The following PXDNL variants were observed in gnomAD, a reference collection of about 807,000 sequenced individuals.
The protein encoded by PXDNL is peroxidasin like, also known as probable oxidoreductase PXDNL.
In PXDNL, 145 loss-of-function variants were observed where a neutral mutation model predicts 150.8. The observed-to-expected ratio is 0.96, with a 90% confidence interval of 0.84 to 1.10. The LOEUF (loss-of-function observed/expected upper bound fraction) is 1.10. Ranked by LOEUF, PXDNL falls within the 50% of genes least tolerant of loss-of-function variation. The pLI, the probability that PXDNL is intolerant of heterozygous loss-of-function variation, is 0.00. For missense variants in PXDNL, 2,087 were observed against 1,873.9 expected, an observed-to-expected ratio of 1.11 and a Z score of -2.10; for synonymous variants, 757 against 725.7, an observed-to-expected ratio of 1.04 and a Z score of -0.69.
intron 12 of PXDNL, among the ~76,000 whole-genome samples, chr8:51,444,518 T>TA (rs1263014507): frequency 2.0e-5 from 3 of 152,050 alleles, no homozygotes; most frequent in African/African-American, 4.8e-5. Flanking sequence ...TTCTTCATAG[T>TA]AAAAAAATCA....
intron 1 of PXDNL, among the ~76,000 whole-genome samples, chr8:51,722,981 T>G (rs1192227140): frequency 6.6e-6 from 1 of 152,046 alleles, no homozygotes; most frequent in African/African-American, 2.4e-5. Context: ...GGGTTGGCAC[T>G]CAAGGGGTCT....
At chr8:51,465,363 A>C (rs1810181968) in intron 8 of PXDNL, among the ~76,000 whole-genome samples, 1 of 150,054 alleles carries the variant, frequency 6.7e-6, no homozygotes, top group Non-Finnish European at 1.5e-5. Context: ...CTTCATGATA[A>C]AAAAAAAACC....
rs5891431 is a variant in PXDNL, at chr8:51,765,849, CTT to C, written c.164+43330_164+43331del. Among the ~76,000 whole-genome samples the C allele has an allele frequency of 7.5e-4, 107 of 142,148 alleles. 1 individual carries two copies. In the East Asian group the frequency reaches 0.012, roughly 16 times the overall value. The allele number at this position is 142,148 out of a possible 152,430, so 93.3% of individuals were successfully genotyped here. A position where few individuals can be genotyped will look rare whatever the true frequency, so the allele number is the denominator to read the frequency against. On this transcript the variant is annotated intron_variant, in intron 1 of 22. Transcript: ENST00000356297. ...TAGCATTTTAATTCCCCTGTTTATT[CTT>C]TTTTTTTTTTGAGATGGAGTCTCAC...
In PXDNL at chr8:51,438,723, G is replaced by A. The variant is rs144554493; in HGVS notation, c.1525+8281C>T. ...GAGCAAGACTCCATCAAAAAAAAATGGCACATAAACCAATGGAACAGAATA... is the reference window on the plus strand; with the variant it reads ...GAGCAAGACTCCATCAAAAAAAAATAGCACATAAACCAATGGAACAGAATA... On this transcript the variant is annotated intron_variant, in intron 12 of 22. Transcript: ENST00000356297. 2.1e-3 allele frequency among the ~76,000 whole-genome samples: 313 copies of A among 152,142 alleles called. 1 individual carries two copies. The highest frequency in any genetic ancestry group is 7.3e-3 in the African/African-American group (303 of 41,516).
intron 4 of PXDNL, 44 bp from the exon 5 acceptor site, chr8:51,499,814 G>A (rs759920352): frequency 7.0e-6 from 9 of 1,287,278 alleles, no homozygotes; most frequent in East Asian, 6.9e-5. Context: ...GTGCTGGTGA[G>A]TAAAATAAAA....
intron 13 of PXDNL, among the ~76,000 whole-genome samples, chr8:51,425,028 T>C (rs970078777): frequency 2.6e-5 from 4 of 152,214 alleles, no homozygotes; most frequent in Admixed American, 2.6e-4. Context: ...CAGGGCCTAG[T>C]AGGTCCTTCC....
intron 1 of PXDNL, among the ~76,000 whole-genome samples, chr8:51,771,643 A>G (rs949891345): frequency 4.6e-5 from 7 of 152,190 alleles, no homozygotes; most frequent in Non-Finnish European, 7.4e-5. Flanking sequence ...AGAGAAAAAG[A>G]AAAAGAAAGA....
At chr8:51,422,926 T>A (rs775931332) in intron 14 of PXDNL, among the ~76,000 whole-genome samples, 1 of 152,204 alleles carries the variant, frequency 6.6e-6, no homozygotes, top group Non-Finnish European at 1.5e-5. Context: ...TGCCTACAAA[T>A]GGACTCTCCC....
chr8:51,544,096 A>T (rs948310482), intron 4 of PXDNL, among the ~76,000 whole-genome samples: 4 of 152,246 alleles, frequency 2.6e-5, no homozygotes, highest in Non-Finnish European at 5.9e-5. Context: ...AGCTAACAGG[A>T]TGTGTATGTA....
chr8:51,497,012 T>A (rs1466625540), intron 5 of PXDNL, among the ~76,000 whole-genome samples: 2 of 152,170 alleles, frequency 1.3e-5, no homozygotes, highest in African/African-American at 4.8e-5. Flanking sequence ...GCTGGAGGCA[T>A]CACCCTACCT....
At chr8:51,431,722 A>C (rs1448315328) in intron 12 of PXDNL, among the ~76,000 whole-genome samples, 1 of 152,174 alleles carries the variant, frequency 6.6e-6, no homozygotes, top group African/African-American at 2.4e-5. Flanking sequence ...GCACCACCTT[A>C]GTTCTAAATT....
intron 22 of PXDNL, among the ~76,000 whole-genome samples, 157 bp from the exon 23 acceptor site, chr8:51,320,179 T>G (rs1484068656): frequency 1.3e-5 from 2 of 152,224 alleles, no homozygotes; most frequent in African/African-American, 4.8e-5. Context: ...ATGGTTTCTA[T>G]TCATTCTTTC....
chr8:51,679,833 G>A (rs994186247), intron 1 of PXDNL, among the ~76,000 whole-genome samples: 57 of 152,128 alleles, frequency 3.7e-4, no homozygotes, highest in African/African-American at 1.3e-3. Context: ...AGGAAGCTAA[G>A]CATCCCATCA....
chr8:51,345,948 C>A lies in PXDNL; in HGVS notation c.3902-1G>T, dbSNP rs933417944. On this transcript the variant is annotated splice_acceptor_variant, in intron 19 of 22. Transcript: ENST00000356297. LOFTEE classifies it high-confidence loss of function. The stretch of plus-strand genomic sequence containing the variant: ...CTGAACTGTCCTCTACTCCTACAGT[C>A]TGTGGGGAAAGAAGTAACCACAATA... The A allele has an allele frequency of 1.3e-6, 2 of 1,596,108 alleles. No individual in the cohort carries two copies. The highest frequency in any genetic ancestry group is 2.7e-5 in the African/African-American group (2 of 74,646).
At chr8:51,390,851 C>T (rs1027155416) in intron 17 of PXDNL, among the ~76,000 whole-genome samples, 4 of 151,896 alleles carry the variant, frequency 2.6e-5, no homozygotes, top group East Asian at 1.9e-4. Context: ...CCCATTAACT[C>T]GTCATTTAGC....
rs368468030 is a variant in PXDNL, at chr8:51,440,012, T to C, written c.1525+6992A>G. On this transcript the variant is annotated intron_variant, in intron 12 of 22. Transcript: ENST00000356297. Reference sequence around the variant, plus strand: ...GCCCAAATGCCCATCAATCAACAAGTGGGTGAAGAAATTGTGAGACAGATA... The same window carrying C: ...GCCCAAATGCCCATCAATCAACAAGCGGGTGAAGAAATTGTGAGACAGATA... Among the ~76,000 whole-genome samples, 3 of 151,546 alleles carry C rather than the reference T, an allele frequency of 2.0e-5. No homozygotes were observed. The East Asian group carries it at 5.8e-4, about 29-fold the overall frequency.
intron 1 of PXDNL, among the ~76,000 whole-genome samples, chr8:51,730,686 A>T (rs2130933115): frequency 6.6e-6 from 1 of 152,340 alleles, no homozygotes; most frequent in South Asian, 2.1e-4. Context: ...TAATAAAAAC[A>T]TACCCCAAGA....
At chr8:51,439,295 T>A (rs1007221843) in intron 12 of PXDNL, among the ~76,000 whole-genome samples, 1 of 151,832 alleles carries the variant, frequency 6.6e-6, no homozygotes, top group Non-Finnish European at 1.5e-5. Context: ...AAAGAAGATA[T>A]ACAAAGGGCC....
intron 14 of PXDNL, among the ~76,000 whole-genome samples, chr8:51,418,381 T>C (rs750248234): frequency 6.6e-6 from 1 of 152,204 alleles, no homozygotes; most frequent in Non-Finnish European, 1.5e-5. Flanking sequence ...TTTAAAACTC[T>C]TCAGTTACCA....
Sources: gnomAD v4.1 joint callset for allele counts (sites outside exome capture counted in the v4.1 genomes callset) on GRCh38, gnomAD v4.1.1 for gene constraint, MANE v1.5 for transcripts, NCBI Gene and HGNC (gene_info 2026-07-23, HGNC 2026-07-21) for gene names.